CNBD1: variants seen among roughly 807,000 people sequenced by gnomAD.
CNBD1 encodes cyclic nucleotide-binding domain-containing protein 1.
In CNBD1, 71 loss-of-function variants were observed where a neutral mutation model predicts 54.4. That is an observed-to-expected ratio of 1.30 (90% CI 1.08 to 1.59). The LOEUF (loss-of-function observed/expected upper bound fraction) is 1.59. CNBD1 is among the 40% of genes most tolerant of loss of function. The probability of loss-of-function intolerance (pLI) is 0.00; values close to 1 mark genes in which losing one functional copy is unlikely to be tolerated. For missense variants in CNBD1, 659 were observed against 518.0 expected (o/e 1.27, Z -2.64); for synonymous variants, 182 against 170.7 (o/e 1.07, Z -0.51).
rs1808433609 is a variant in CNBD1, at chr8:86,870,812, AAAG to A, written c.88+4232_88+4234del. Reference sequence around the variant, plus strand: ...TGTATAAAGAAACCAAGTTTAAGGAAAAGAAAGAACTAAAATAAATAAGAATGA... The same window carrying A: ...TGTATAAAGAAACCAAGTTTAAGGAAAAAGAACTAAAATAAATAAGAATGA... On this transcript the variant is annotated intron_variant, in intron 1 of 10. Coordinates refer to ENST00000518476, the MANE Select transcript of CNBD1 (RefSeq NM_173538.3). Among the ~76,000 whole-genome samples, 3 of 152,318 alleles carry A rather than the reference AAAG, an allele frequency of 2.0e-5. No homozygotes were observed. In the East Asian group the frequency reaches 5.8e-4, roughly 29 times the overall value.
intron 8 of CNBD1, among the ~76,000 whole-genome samples, chr8:87,306,151 G>T (rs946186987): frequency 2.0e-5 from 3 of 152,090 alleles, no homozygotes; most frequent in African/African-American, 7.2e-5. Context: ...CATATGAAAA[G>T]ATGCTCAACA....
intron 6 of CNBD1, among the ~76,000 whole-genome samples, chr8:87,241,156 T>A (rs1807692789): frequency 6.6e-6 from 1 of 152,060 alleles, no homozygotes; most frequent in Non-Finnish European, 1.5e-5. Flanking sequence ...CTCAAGAGGA[T>A]CTTGAATTTA....
intron 10 of CNBD1, among the ~76,000 whole-genome samples, chr8:87,370,125 CATT>C (rs1336041962): frequency 3.3e-5 from 5 of 151,746 alleles, no homozygotes; most frequent in Non-Finnish European, 7.4e-5. Flanking sequence ...TCCAGTCTAT[CATT>C]GTTGGACATT....
chr8:86,978,700 G>A (rs1001406023), intron 4 of CNBD1, among the ~76,000 whole-genome samples: 3 of 151,802 alleles, frequency 2.0e-5, no homozygotes, highest in Admixed American at 6.6e-5. Flanking sequence ...GCTCCAACAC[G>A]CCTGGCTAAT....
intron 10 of CNBD1, among the ~76,000 whole-genome samples, chr8:87,360,364 T>A (rs558193182): frequency 2.0e-4 from 30 of 151,904 alleles, no homozygotes; most frequent in Non-Finnish European, 3.1e-4. Context: ...AGGAAATATC[T>A]TTTTTTAATC....
intron 4 of CNBD1, among the ~76,000 whole-genome samples, chr8:87,113,648 G>A (rs901790995): frequency 2.0e-5 from 3 of 152,052 alleles, no homozygotes; most frequent in African/African-American, 2.4e-5. Context: ...GGCCGGGCAC[G>A]GTGACTCACG....
chr8:87,259,860 G>C (rs751491048), intron 6 of CNBD1, among the ~76,000 whole-genome samples: 7 of 152,122 alleles, frequency 4.6e-5, no homozygotes, highest in Admixed American at 2.6e-4. Context: ...CTTTAATAAA[G>C]TCCTTTTAAA....
At chr8:87,337,991 T>G (rs1370957732) in intron 8 of CNBD1, among the ~76,000 whole-genome samples, 1 of 152,208 alleles carries the variant, frequency 6.6e-6, no homozygotes, top group Non-Finnish European at 1.5e-5. Context: ...ATATTGTCTT[T>G]GACTTTCCTA....
chr8:87,187,849 G>A (rs1813512882), intron 4 of CNBD1, among the ~76,000 whole-genome samples: 1 of 152,110 alleles, frequency 6.6e-6, no homozygotes, highest in Non-Finnish European at 1.5e-5. Flanking sequence ...CCTCTCTGTA[G>A]CCAGACTGAA....
chr8:87,055,799 C>A (rs1023698788), intron 4 of CNBD1, among the ~76,000 whole-genome samples: 2 of 149,672 alleles, frequency 1.3e-5, no homozygotes, highest in Non-Finnish European at 3.0e-5. Context: ...GCTTCCCTTT[C>A]TTTTCATCCA....
At chr8:87,162,008 T>TA (rs1187220860) in intron 4 of CNBD1, among the ~76,000 whole-genome samples, 1 of 152,044 alleles carries the variant, frequency 6.6e-6, no homozygotes, top group Non-Finnish European at 1.5e-5. Flanking sequence ...ATGAAACAAT[T>TA]TCAAACTTAC....
chr8:87,002,041 T>C (rs1447096422), intron 4 of CNBD1, among the ~76,000 whole-genome samples: 2 of 152,216 alleles, frequency 1.3e-5, no homozygotes, highest in Non-Finnish European at 2.9e-5. Flanking sequence ...AAATGTGCCA[T>C]TGTACTTTTC....
At chr8:87,129,069 C>CAAGAAAAAAAAAAAA (rs1554557985) in intron 4 of CNBD1, among the ~76,000 whole-genome samples, 1 of 26,182 alleles carries the variant, frequency 3.8e-5, no homozygotes, top group Non-Finnish European at 7.1e-5. Context: ...GACTCTGCCT[C>CAAGAAAAAAAAAAAA]AAAAAAAAAA....
At chr8:86,947,653 A>G (rs1011079330) in intron 4 of CNBD1, among the ~76,000 whole-genome samples, 2 of 152,076 alleles carry the variant, frequency 1.3e-5, no homozygotes, top group African/African-American at 2.4e-5. Context: ...TAGTAGATGT[A>G]TATATTTATG....
At chr8:87,369,727 T>G (rs185537195) in intron 10 of CNBD1, among the ~76,000 whole-genome samples, 4 of 150,096 alleles carry the variant, frequency 2.7e-5, no homozygotes, top group Non-Finnish European at 3.0e-5. Flanking sequence ...GCTGCTTTCT[T>G]TTTTTTTTAT....
chr8:86,884,945 T>A (rs1305567880), intron 1 of CNBD1, among the ~76,000 whole-genome samples: 1 of 152,202 alleles, frequency 6.6e-6, no homozygotes, highest in African/African-American at 2.4e-5. Flanking sequence ...ATTGTGATAT[T>A]TTTTTCTAGG....
intron 8 of CNBD1, among the ~76,000 whole-genome samples, chr8:87,295,833 G>A (rs142478629): frequency 6.6e-6 from 1 of 152,120 alleles, no homozygotes; most frequent in African/African-American, 2.4e-5. Context: ...AAATAAATTT[G>A]AAACTTTTTT....
chr8:87,337,680 C>T (rs1809976037), intron 8 of CNBD1, among the ~76,000 whole-genome samples: 1 of 152,206 alleles, frequency 6.6e-6, no homozygotes, highest in Non-Finnish European at 1.5e-5. Flanking sequence ...CTGGGCAGCA[C>T]ACTCACTCAT....
rs77755832 is a variant in CNBD1, at chr8:87,163,379, G to C, written c.432-42614G>C. ...AAAAAAAAAAATTAGAATTTTGATA[G>C]AGATTGCATTGAATCTGCAGATCAC... is the stretch of plus-strand genomic sequence containing the variant. On this transcript the variant is annotated intron_variant, in intron 4 of 10. Coordinates refer to ENST00000518476, the MANE Select transcript of CNBD1 (RefSeq NM_173538.3). The surrounding 1 kb of genome is among the most constrained non-coding windows in gnomAD (Gnocchi z 4.5). 4.6e-3 allele frequency among the ~76,000 whole-genome samples: 697 copies of C among 151,620 alleles called. 20 individuals are homozygous for C. The highest frequency in any genetic ancestry group is 0.032 in the East Asian group (167 of 5,164).
Sources: gnomAD v4.1 joint callset for allele counts (sites outside exome capture counted in the v4.1 genomes callset) on GRCh38, gnomAD v4.1.1 for gene constraint, Gnocchi (gnomAD v3.1) non-coding constraint, MANE v1.5 for transcripts, NCBI Gene and HGNC (gene_info 2026-07-23, HGNC 2026-07-21) for gene names.